Variants in RRP15 observed in about 807,000 individuals in gnomAD.
RRP15 encodes RRP15-like protein.
In RRP15, 18 loss-of-function variants were observed where a neutral mutation model predicts 27.1. That is an observed-to-expected ratio of 0.66 (90% confidence interval 0.46 to 0.98). RRP15 has a LOEUF of 0.98. Ranked by LOEUF, RRP15 falls within the 50% of genes least tolerant of loss-of-function variation. The pLI, the probability that RRP15 is intolerant of heterozygous loss-of-function variation, is 0.00. For missense variants in RRP15, 359 were observed against 337.8 expected, an observed-to-expected ratio of 1.06 and a Z score of -0.49; for synonymous variants, 107 against 109.4, an observed-to-expected ratio of 0.98 and a Z score of 0.14.
intron 1 of RRP15, among the ~76,000 whole-genome samples, chr1:218,300,136 AT>A (rs1183339736): frequency 2.6e-5 from 4 of 152,068 alleles, no homozygotes; most frequent in East Asian, 1.9e-4. Context: ...GTTTTCATTA[AT>A]TTTTTTGTCT....
chr1:218,322,853 C>T (rs921335179), intron 4 of RRP15, among the ~76,000 whole-genome samples: 11 of 152,250 alleles, frequency 7.2e-5, no homozygotes, highest in African/African-American at 2.6e-4. Flanking sequence ...GCGCTCGGCT[C>T]GTGCTACCAG....
At chr1:218,323,214 C>T (rs1049713408) in intron 4 of RRP15, among the ~76,000 whole-genome samples, 3 of 152,224 alleles carry the variant, frequency 2.0e-5, no homozygotes, top group African/African-American at 7.2e-5. Context: ...GAGCAAGGGA[C>T]ATATTTCAGC....
intron 1 of RRP15, among the ~76,000 whole-genome samples, chr1:218,298,557 C>G (rs925618300): frequency 6.6e-6 from 1 of 152,108 alleles, no homozygotes; most frequent in Admixed American, 6.5e-5. Context: ...CAGCAGCTAA[C>G]CATTCGTATC....
chr1:218,323,502 C>G lies in RRP15; in HGVS notation c.706-7446C>G, dbSNP rs748120617. On this transcript the variant is annotated intron_variant, in intron 4 of 4. Coordinates refer to ENST00000366932, the MANE Select transcript of RRP15 (RefSeq NM_016052.4). ...GTCCATGGGCTACCGTGGATGGGCC[C>G]AGAAAAAGCACTACAAGTTCCCACT... 6.2e-4 allele frequency among the ~76,000 whole-genome samples: 94 copies of G among 152,124 alleles called. 2 individuals carry two copies. The highest frequency in any genetic ancestry group is 2.6e-4 in the Non-Finnish European group (18 of 68,012).
At chr1:218,317,822 A>G (rs1656114335) in intron 4 of RRP15, among the ~76,000 whole-genome samples, 1 of 148,836 alleles carries the variant, frequency 6.7e-6, no homozygotes, top group Non-Finnish European at 1.5e-5. Context: ...TGCAGCCTCA[A>G]CCTCCTGGGC....
chr1:218,286,904 ACTATATTTG>A (rs142343929), intron 1 of RRP15, among the ~76,000 whole-genome samples: 4,868 of 152,242 alleles, frequency 0.032, 241 homozygotes, highest in African/African-American at 0.11. Context: ...AGGGAAGAGT[ACTATATTTG>A]CTATATTTGG....
intron 2 of RRP15, 173 bp downstream of exon 2, chr1:218,302,732 T>C (rs2102498500): frequency 2.0e-6 from 2 of 989,324 alleles, no homozygotes; most frequent in East Asian, 5.2e-5. Context: ...AATTATTCCA[T>C]TGAGCATGTT....
rs1291418792 is a variant in RRP15 at position 218,331,575 on chromosome 1, A to G, written c.*484A>G. ...CCTATATAATAAAATTTAAAATTAT[A>G]GTTTTTCAGATTTTGGGTCGTGATT... On this transcript the variant is annotated 3_prime_UTR_variant, in exon 5 of 5. Transcript: ENST00000366932. 2 of 144,492 alleles carry G rather than the reference A, an allele frequency of 1.4e-5. No homozygotes were observed. Among genetic ancestry groups the G allele is most frequent in the Non-Finnish European group, 3.0e-5 (2 of 66,750 alleles). 9.0% of individuals were successfully genotyped at this position (144,492 alleles called of 1,614,324 possible).
intron 4 of RRP15, among the ~76,000 whole-genome samples, chr1:218,326,587 G>A (rs924364384): frequency 1.3e-5 from 2 of 152,104 alleles, no homozygotes; most frequent in Non-Finnish European, 2.9e-5. Flanking sequence ...TCACTGTAGG[G>A]TTCTCTGGGT....
At chr1:218,318,657 C>T (rs1352155991) in intron 4 of RRP15, among the ~76,000 whole-genome samples, 1 of 152,044 alleles carries the variant, frequency 6.6e-6, no homozygotes, top group African/African-American at 2.4e-5. Flanking sequence ...TATGTACTTG[C>T]TATTGTAACA....
At chr1:218,300,356 A>G (rs1032428516) in intron 1 of RRP15, among the ~76,000 whole-genome samples, 6 of 152,154 alleles carry the variant, frequency 3.9e-5, no homozygotes, top group African/African-American at 1.4e-4. Context: ...ATTTTTATAT[A>G]GGCATGTTTT....
intron 1 of RRP15, among the ~76,000 whole-genome samples, chr1:218,294,165 A>G (rs1157128492): frequency 6.6e-6 from 1 of 152,210 alleles, no homozygotes; most frequent in Non-Finnish European, 1.5e-5. Flanking sequence ...TCAGCCACTC[A>G]ACAGCAACAA....
intron 1 of RRP15, among the ~76,000 whole-genome samples, chr1:218,286,978 G>C (rs1571789348): frequency 6.6e-6 from 1 of 151,992 alleles, no homozygotes. Flanking sequence ...TTTTGAGACA[G>C]GGTCTTGCTT....
rs1656430865 is a variant in RRP15, at chr1:218,335,227, A to G, written c.*4136A>G. On this transcript the variant is annotated 3_prime_UTR_variant, in exon 5 of 5. Coordinates refer to ENST00000366932, the MANE Select transcript of RRP15 (RefSeq NM_016052.4). ...TAATTTCAGGGAGTTAGTATTTAGG[A>G]CTTTTTACCTAGAGATGCGGTAAAC... 1 of 152,112 alleles carries G rather than the reference A, an allele frequency of 6.6e-6. No homozygotes were observed. Among genetic ancestry groups the G allele is most frequent in the African/African-American group, 2.4e-5 (1 of 41,426 alleles). 9.4% of individuals were successfully genotyped at this position (152,112 alleles called of 1,614,324 possible).
At position 218,318,238 on chromosome 1, in the gene RRP15, T is replaced by TA. The variant is rs1056084639; in HGVS notation, c.705+10615dup. On this transcript the variant is annotated intron_variant, in intron 4 of 4. Transcript: ENST00000366932. ...CATGTGCCCCGAAGATTCTCTTTTT[T>TA]AAAAAAAAATCAGTTTTATTGAGGT... 3.6e-4 allele frequency among the ~76,000 whole-genome samples: 55 copies of TA among 151,790 alleles called. No homozygotes were observed. The Middle Eastern group carries it at 0.017, about 47-fold the overall frequency.
Position 218,336,655 on chromosome 1 carries a change from C to T in RRP15, c.*5564C>T, listed in dbSNP as rs1656453365. ...CTCTGAAAACAGTGCAGCAGCCAGA[C>T]TCAGCAGTTGCCCTGAAATACTGAG... On this transcript the variant is annotated 3_prime_UTR_variant, in exon 5 of 5. Transcript: ENST00000366932. The T allele has an allele frequency of 6.6e-6, 1 of 152,572 alleles. No individual in the cohort carries two copies. Among genetic ancestry groups the T allele is most frequent in the Non-Finnish European group, 1.5e-5 (1 of 68,070 alleles). The allele number at this position is 152,572 out of a possible 1,614,324, so 9.5% of individuals were successfully genotyped here.
At chr1:218,289,809 A>G (rs1031460867) in intron 1 of RRP15, among the ~76,000 whole-genome samples, 2 of 152,118 alleles carry the variant, frequency 1.3e-5, no homozygotes, top group African/African-American at 4.8e-5. Context: ...CAGCCTCCCA[A>G]GTAGCTGGGA....
chr1:218,327,342 T>G (rs1271525102), intron 4 of RRP15, among the ~76,000 whole-genome samples: 1 of 152,228 alleles, frequency 6.6e-6, no homozygotes, highest in Non-Finnish European at 1.5e-5. Flanking sequence ...AGAGTCTTAC[T>G]CCGTCGCTCA....
At chr1:218,303,697 G>A (rs1227080332) in intron 2 of RRP15, among the ~76,000 whole-genome samples, 1 of 152,148 alleles carries the variant, frequency 6.6e-6, no homozygotes, top group African/African-American at 2.4e-5. Context: ...TCTGCTCTAG[G>A]CCAAAGCTTT....
Sources: gnomAD v4.1 joint callset for allele counts (sites outside exome capture counted in the v4.1 genomes callset) on GRCh38, gnomAD v4.1.1 for gene constraint, MANE v1.5 for transcripts, NCBI Gene and HGNC (gene_info 2026-07-23, HGNC 2026-07-21) for gene names.